MROH1: variants seen among roughly 807,000 people sequenced by gnomAD.
MROH1 encodes the protein maestro heat-like repeat-containing protein family member 1.
In MROH1, 117 loss-of-function variants were observed where a neutral mutation model predicts 116.5. That is an observed-to-expected ratio of 1.00 (90% CI 0.86 to 1.17). The LOEUF is 1.17. Ranked by LOEUF, MROH1 falls within the 50% of genes most tolerant of loss-of-function variation. The pLI is 0.00. For missense variants in MROH1, 1,873 were observed against 1,338.5 expected (o/e 1.40, Z -6.23); for synonymous variants, 921 against 583.9 (o/e 1.58, Z -8.32).
intron 34 of MROH1, 133 bp downstream of exon 34, chr8:144,255,111 G>C (rs1371584120): frequency 1.1e-5 from 7 of 610,058 alleles, no homozygotes; most frequent in African/African-American, 1.8e-5. Context: ...CGGGCTGGGA[G>C]CTCTGAGCTC....
intron 1 of MROH1, chr8:144,148,504 CG>C (rs1182051918): frequency 6.6e-5 from 10 of 152,362 alleles, no homozygotes; most frequent in African/African-American, 2.4e-4. Flanking sequence ...TCCCCCCAGG[CG>C]GGGCCACCGG....
At chr8:144,199,298 C>T (rs1472146799) in intron 11 of MROH1, 98 bp downstream of exon 11, 4 of 1,305,890 alleles carry the variant, frequency 3.1e-6, no homozygotes, top group East Asian at 2.5e-5. Context: ...GGGTACTGGT[C>T]GGGGATGAGG....
chr8:144,251,548 A>C (rs1204018933), intron 33 of MROH1: 2 of 152,104 alleles, frequency 1.3e-5, no homozygotes, highest in Non-Finnish European at 2.9e-5. Flanking sequence ...ATGTGTCCTC[A>C]CTGAAGTCCA....
At chr8:144,183,964 G>A (rs1027318618) in intron 7 of MROH1, among the ~76,000 whole-genome samples, 2 of 152,140 alleles carry the variant, frequency 1.3e-5, no homozygotes, top group Admixed American at 6.6e-5. Context: ...GCCTTTCTTT[G>A]CACTGGGTCA....
intron 14 of MROH1, among the ~76,000 whole-genome samples, chr8:144,232,466 GTTTGTTTGTTTATTTATTTA>G (rs1839087361): frequency 6.9e-6 from 1 of 144,304 alleles, no homozygotes; most frequent in African/African-American, 2.5e-5. Context: ...TGAGTGCTTT[GTTTGTTTGTTTATTTATTTA>G]TTTATTTATT....
At chr8:144,254,045 T>C (rs2133236133) in intron 33 of MROH1, among the ~76,000 whole-genome samples, 1 of 152,290 alleles carries the variant, frequency 6.6e-6, no homozygotes, top group South Asian at 2.1e-4. Flanking sequence ...CAGCCATTGT[T>C]TCCTCTGCCT....
At position 144,167,916 on chromosome 8, in the gene MROH1, G is replaced by A. The variant is rs1320254316; in HGVS notation, c.23-379G>A. On this transcript the variant is annotated intron_variant, in intron 3 of 43. Transcript: ENST00000326134. ...TTCCTGAAGGGTCTGGCTGGTGAGT[G>A]AGCCAATGTCTTCAAGGAAGCTCAG... Among the ~76,000 whole-genome samples, 6 of 152,222 alleles carry A rather than the reference G, an allele frequency of 3.9e-5. No homozygotes were observed. In the South Asian group the frequency reaches 1.2e-3, roughly 32 times the overall value.
chr8:144,244,361 T>C (rs2133000127), intron 27 of MROH1, 25 bp downstream of exon 27: 1 of 721,482 alleles, frequency 1.4e-6, no homozygotes, highest in East Asian at 2.7e-5. Context: ...CCCTTGCCTG[T>C]GTCCACATCC....
chr8:144,169,922 C>T (rs1353806043), intron 4 of MROH1, among the ~76,000 whole-genome samples: 3 of 152,250 alleles, frequency 2.0e-5, no homozygotes, highest in African/African-American at 7.2e-5. Flanking sequence ...CAACCTCCAC[C>T]TCCTGAGTTC....
chr8:144,248,707 A>AT (rs1217991229), intron 31 of MROH1, among the ~76,000 whole-genome samples, 170 bp from the exon 32 acceptor site: 1,865 of 151,840 alleles, frequency 0.012, 29 homozygotes, highest in African/African-American at 0.04. Flanking sequence ...AGGAGACCCC[A>AT]CCCCCGTGCA....
At chr8:144,195,297 C>T (rs1244749505) in intron 10 of MROH1, among the ~76,000 whole-genome samples, 4 of 148,110 alleles carry the variant, frequency 2.7e-5, no homozygotes, top group South Asian at 4.3e-4. Context: ...GTCAGGAGAT[C>T]GAGACCATCC....
intron 12 of MROH1, chr8:144,213,050 C>T (rs765895358): frequency 1.3e-6 from 1 of 779,820 alleles, no homozygotes; most frequent in South Asian, 1.3e-5. Flanking sequence ...ACGACTGAAA[C>T]ATGAGGACTG....
At chr8:144,256,810 AAC>A (rs1482514862) in intron 35 of MROH1, among the ~76,000 whole-genome samples, 3 of 152,226 alleles carry the variant, frequency 2.0e-5, no homozygotes, top group African/African-American at 4.8e-5. Flanking sequence ...TCGTGAGCCA[AAC>A]ACACGCTTCC....
chr8:144,167,143 C>T (rs897446292), intron 3 of MROH1, among the ~76,000 whole-genome samples: 4 of 152,148 alleles, frequency 2.6e-5, no homozygotes, highest in Non-Finnish European at 4.4e-5. Context: ...GAGGGGACAT[C>T]CACAAACCAG....
chr8:144,189,740 G>A (rs981198902), intron 7 of MROH1, among the ~76,000 whole-genome samples: 4 of 152,134 alleles, frequency 2.6e-5, no homozygotes, highest in African/African-American at 4.8e-5. Context: ...GGCTCTTCCC[G>A]CCCACACTGT....
intron 11 of MROH1, among the ~76,000 whole-genome samples, chr8:144,199,518 G>C (rs1405495544): frequency 6.6e-6 from 1 of 152,036 alleles, no homozygotes; most frequent in African/African-American, 2.4e-5. Flanking sequence ...CCAATCTCTG[G>C]CTCCATGGCC....
intron 32 of MROH1, among the ~76,000 whole-genome samples, chr8:144,249,269 G>A (rs1429438875): frequency 6.6e-6 from 1 of 152,172 alleles, no homozygotes; most frequent in Non-Finnish European, 1.5e-5. Context: ...TATGTCTGAA[G>A]ACAGGGGTTA....
chr8:144,239,987 GC>G, intron 18 of MROH1, 113 bp from the exon 19 acceptor site: 1 of 713,464 alleles, frequency 1.4e-6, no homozygotes, highest in South Asian at 1.5e-5. Context: ...GTGGGGGGCA[GC>G]GGGGCGGCGG....
At chr8:144,218,235 G>A (rs902324796) in intron 12 of MROH1, among the ~76,000 whole-genome samples, 1 of 152,144 alleles carries the variant, frequency 6.6e-6, no homozygotes, top group African/African-American at 2.4e-5. Flanking sequence ...AACATTACCC[G>A]AGATGGACTT....
Sources: gnomAD v4.1 joint callset for allele counts (sites outside exome capture counted in the v4.1 genomes callset) on GRCh38, gnomAD v4.1.1 for gene constraint, MANE v1.5 for transcripts, NCBI Gene and HGNC (gene_info 2026-07-23, HGNC 2026-07-21) for gene names.